The following CCDC88C variants were observed in gnomAD, a reference collection of about 807,000 sequenced individuals.
CCDC88C encodes the protein coiled-coil and HOOK domain protein 88C, also known as protein Daple.
CCDC88C carries 131 observed loss-of-function variants against 198.8 expected under a neutral mutation model. The ratio of observed to expected loss-of-function variants is 0.66; its 90% confidence interval spans 0.57 to 0.76. The LOEUF is 0.76. Among genes scored for constraint, CCDC88C ranks in the 30% least tolerant of loss-of-function variants. The probability of loss-of-function intolerance (pLI) is 0.00; values close to 1 mark genes in which losing one functional copy is unlikely to be tolerated. For synonymous variants in CCDC88C, 1,166 were observed against 1,114.7 expected (o/e 1.05, Z -0.92); for missense variants, 2,553 against 2,631.6 (o/e 0.97, Z 0.65).
At chr14:91,386,301 A>C (rs998324263) in intron 3 of CCDC88C, among the ~76,000 whole-genome samples, 4 of 150,536 alleles carry the variant, frequency 2.7e-5, no homozygotes, top group South Asian at 2.1e-4. Flanking sequence ...AAAAAAAAAA[A>C]AAACAAAAAC....
chr14:91,337,810 C>A (rs1893114482), intron 10 of CCDC88C, among the ~76,000 whole-genome samples, 195 bp downstream of exon 10: 1 of 152,220 alleles, frequency 6.6e-6, no homozygotes, highest in Admixed American at 6.5e-5. Context: ...TCCTTACCCT[C>A]CCCTGCTGAC....
intron 10 of CCDC88C, among the ~76,000 whole-genome samples, chr14:91,334,355 C>A (rs1392307093): frequency 6.6e-6 from 1 of 152,218 alleles, no homozygotes; most frequent in South Asian, 2.1e-4. Flanking sequence ...AGCAATCCTC[C>A]CACTTCAGAC....
At chr14:91,347,155 AC>A (rs1267065552) in intron 4 of CCDC88C, among the ~76,000 whole-genome samples, 13 of 152,334 alleles carry the variant, frequency 8.5e-5, no homozygotes, top group Non-Finnish European at 1.8e-4. Flanking sequence ...TACTGTACCC[AC>A]CACAGGAGCT....
At chr14:91,289,487 T>C (rs1890570470) in intron 24 of CCDC88C, 144 bp from the exon 25 acceptor site, 2 of 770,744 alleles carry the variant, frequency 2.6e-6, no homozygotes, top group Admixed American at 1.8e-5. Flanking sequence ...ATGACGCTCA[T>C]GACCATGGTA....
rs111899584 is a variant in CCDC88C, at chr14:91,276,109, C to T, written c.5058+1813G>A. Among the ~76,000 whole-genome samples, 1,522 of 152,286 alleles carry T rather than the reference C, an allele frequency of 1.0e-2. 18 individuals carry two copies. The highest frequency in any genetic ancestry group is 0.033 in the African/African-American group (1,389 of 41,546). ...TGCTGGGATTACAGGCGTGAGCCAC[C>T]GCGCCCGGCCAGACCAGTGGTTCTT... On this transcript the variant is annotated intron_variant, in intron 29 of 29. Transcript: ENST00000389857.
At chr14:91,375,493 G>C (rs909552251) in intron 3 of CCDC88C, among the ~76,000 whole-genome samples, 2 of 152,136 alleles carry the variant, frequency 1.3e-5, no homozygotes, top group African/African-American at 4.8e-5. Flanking sequence ...GTGGGGAAGA[G>C]GGGGGTGGGC....
chr14:91,311,171 C>T (rs1891807167), intron 15 of CCDC88C, among the ~76,000 whole-genome samples: 1 of 152,192 alleles, frequency 6.6e-6, no homozygotes, highest in African/African-American at 2.4e-5. Flanking sequence ...CCCCTGGACT[C>T]TGGTGAGCAA....
chr14:91,298,888 C>T (rs1197140650), intron 21 of CCDC88C, among the ~76,000 whole-genome samples: 1 of 152,214 alleles, frequency 6.6e-6, no homozygotes, highest in Non-Finnish European at 1.5e-5. Flanking sequence ...GGATTCCATC[C>T]TGACTCTGCT....
chr14:91,416,544 C>G (rs908025080), intron 2 of CCDC88C, among the ~76,000 whole-genome samples, 194 bp downstream of exon 2: 1 of 152,144 alleles, frequency 6.6e-6, no homozygotes, highest in Non-Finnish European at 1.5e-5. Flanking sequence ...AACTGCCAGA[C>G]CCACTGTCCT....
rs548122142 is a variant in CCDC88C, at chr14:91,413,217, G to A, written c.161+3521C>T. ...GCACTAAGGGCATGGGTACACGTAC[G>A]TATGTCCACACACAAACTCAGATCT... On this transcript the variant is annotated intron_variant, in intron 2 of 29. Coordinates refer to ENST00000389857, the MANE Select transcript of CCDC88C (RefSeq NM_001080414.4). Among the ~76,000 whole-genome samples, 5 of 152,296 alleles carry A rather than the reference G, an allele frequency of 3.3e-5. 1 individual carries two copies. The highest frequency in any genetic ancestry group is 9.6e-5 in the African/African-American group (4 of 41,566).
intron 23 of CCDC88C, among the ~76,000 whole-genome samples, chr14:91,293,963 G>A (rs1004720548): frequency 6.6e-6 from 1 of 152,224 alleles, no homozygotes; most frequent in African/African-American, 2.4e-5. Context: ...GCCTCTGAAA[G>A]AGCAAACAAA....
At position 91,324,903 on chromosome 14, in the gene CCDC88C, TTTC is replaced by T. The variant is rs1442251965; in HGVS notation, c.1215_1217del (p.Lys406del). On this transcript the variant is annotated inframe_deletion, in exon 12 of 30. Transcript: ENST00000389857. The stretch of plus-strand genomic sequence containing the variant: ...TTTCTTCCAGCAGCTCCTCAATTCG[TTTC>T]TTATCTGTGTCCCGGTCCTGGGGCA... 6 of 1,613,640 alleles carry T rather than the reference TTTC, an allele frequency of 3.7e-6. No homozygotes were observed. The highest frequency in any genetic ancestry group is 5.1e-6 in the Non-Finnish European group (6 of 1,179,890).
Position 91,273,333 on chromosome 14 carries a change from T to C in CCDC88C, c.5379A>G (p.Ala1793=), listed in dbSNP as rs1567043330. The part of the protein sequence containing the change: ...RQAPVPPASH[A]PASRSASLSR... ...TCAAGGAGGCACTGCGGCTGGCAGG[T>C]GCATGGGAAGCTGGGGGCACCGGAG... The change falls in exon 30 of 30, where the codon GCA becomes GCG. Residue 1793 remains alanine (A), a synonymous_variant. Transcript: ENST00000389857. This position sits in a 1 kb window ranked among gnomAD's most constrained non-coding sequence, Gnocchi z 5.6. 1 of 1,547,968 alleles carries C rather than the reference T, an allele frequency of 6.5e-7. No individual in the cohort carries two copies. Among genetic ancestry groups the C allele is most frequent in the Admixed American group, 1.9e-5 (1 of 51,298 alleles).
chr14:91,408,961 T>C (rs1886657797), intron 2 of CCDC88C, among the ~76,000 whole-genome samples, 194 bp from the exon 3 acceptor site: 1 of 152,168 alleles, frequency 6.6e-6, no homozygotes, highest in African/African-American at 2.4e-5. Flanking sequence ...ATCGCCTTTC[T>C]GCTCCCTGAC....
At chr14:91,295,331 G>C (rs1451984933) in intron 22 of CCDC88C, among the ~76,000 whole-genome samples, 1 of 152,224 alleles carries the variant, frequency 6.6e-6, no homozygotes, top group South Asian at 2.1e-4. Flanking sequence ...CTGCTATATT[G>C]CTTGGGCAAG....
rs1045495732 is a variant in CCDC88C, at chr14:91,352,606, G to A, written c.340+7036C>T. On this transcript the variant is annotated intron_variant, in intron 4 of 29. Transcript: ENST00000389857. This position sits in a 1 kb window ranked among gnomAD's most constrained non-coding sequence, Gnocchi z 4.2. ...CTTATTTCTTCCCTCCCATTCAAAC[G>A]CCCAAAACGTTTTGCAAATATGAAA... 2.0e-5 allele frequency among the ~76,000 whole-genome samples: 3 copies of A among 151,954 alleles called. No individual in the cohort carries two copies. Among genetic ancestry groups the A allele is most frequent in the South Asian group, 2.1e-4 (1 of 4,816 alleles).
rs1410528357 is a variant in CCDC88C, at chr14:91,352,355, T to C, written c.340+7287A>G. ...GCTGGGCTTGGTGTCAGCCAAACTC[T>C]GCACCTTCCTAGGAAAGGAAAGCCT... is the stretch of plus-strand genomic sequence containing the variant. On this transcript the variant is annotated intron_variant, in intron 4 of 29. Transcript: ENST00000389857. The surrounding 1 kb of genome is among the most constrained non-coding windows in gnomAD (Gnocchi z 4.2). 6.6e-6 allele frequency among the ~76,000 whole-genome samples: 1 copy of C among 152,210 alleles called. No individual in the cohort carries two copies. The highest frequency in any genetic ancestry group is 1.5e-5 in the Non-Finnish European group (1 of 68,040).
At position 91,273,071 on chromosome 14, in the gene CCDC88C, G is replaced by C. The variant is rs1321249526; in HGVS notation, c.5641C>G (p.Leu1881Val). ...CQGPGPRSRP[L>V]DTRRFSLAPP... ...GCCAGGGAGAAGCGCCTCGTGTCCA[G>C]CGGCCGGCTGCGGGGACCTGGGCCC... The change falls in exon 30 of 30, where the codon CTG becomes GTG. Residue 1881 changes from leucine (L) to valine (V), a missense_variant. This residue lies in a region of CCDC88C where 1,293 missense variants were observed against 1,219.6 expected (regional missense o/e 1.06). Coordinates refer to ENST00000389857, the MANE Select transcript of CCDC88C (RefSeq NM_001080414.4). The surrounding 1 kb of genome is among the most constrained non-coding windows in gnomAD (Gnocchi z 5.6). The C allele has an allele frequency of 1.3e-6, 2 of 1,558,200 alleles. No individual in the cohort carries two copies. The highest frequency in any genetic ancestry group is 1.7e-6 in the Non-Finnish European group (2 of 1,151,966).
intron 14 of CCDC88C, 111 bp downstream of exon 14, chr14:91,315,539 G>T: frequency 8.3e-7 from 1 of 1,203,508 alleles, no homozygotes; most frequent in Non-Finnish European, 1.2e-6. Flanking sequence ...GCTAAGCTAG[G>T]TAACGGATAA....
Sources: allele counts gnomAD v4.1 joint callset (sites outside exome capture counted in the v4.1 genomes callset), GRCh38; gene constraint gnomAD v4.1.1; regional missense constraint gnomAD v4.1.1; non-coding constraint Gnocchi (gnomAD v3.1); transcripts MANE v1.5; gene names NCBI Gene and HGNC (gene_info 2026-07-23, HGNC 2026-07-21).